Variants in SLC30A8 observed in about 807,000 individuals in gnomAD.
The protein encoded by SLC30A8 is solute carrier family 30 member 8.
A neutral mutation model predicts 36.9 loss-of-function variants in SLC30A8; 27 were observed. That is an observed-to-expected ratio of 0.73 (90% CI 0.54 to 1.01). The LOEUF (loss-of-function observed/expected upper bound fraction) is 1.01. Among genes scored for constraint, SLC30A8 ranks in the 50% least tolerant of loss-of-function variants. The probability of loss-of-function intolerance (pLI) is 0.00; values close to 1 mark genes in which losing one functional copy is unlikely to be tolerated. For missense variants in SLC30A8, 439 were observed against 452.0 expected, an observed-to-expected ratio of 0.97 and a Z score of 0.26; for synonymous variants, 164 against 172.4, an observed-to-expected ratio of 0.95 and a Z score of 0.38.
chr8:117,032,625 G>A (rs1817088773), intron 1 of SLC30A8, among the ~76,000 whole-genome samples: 1 of 152,106 alleles, frequency 6.6e-6, no homozygotes, highest in South Asian at 2.1e-4. Flanking sequence ...TGCAGTGGCT[G>A]ATGCCTGTAA....
intron 1 of SLC30A8, among the ~76,000 whole-genome samples, chr8:117,016,227 T>G (rs1816514112): frequency 1.3e-5 from 2 of 152,206 alleles, no homozygotes; most frequent in African/African-American, 2.4e-5. Context: ...AAGCTAGGTG[T>G]TGTTTTAACC....
chr8:117,153,197 C>G (rs1189119703), intron 3 of SLC30A8, 107 bp downstream of exon 3: 4 of 1,163,334 alleles, frequency 3.4e-6, no homozygotes, highest in Admixed American at 5.6e-5. Context: ...TCCTTAGAGA[C>G]ACATTTCTGA....
At chr8:116,982,461 C>T (rs1260666752) in intron 1 of SLC30A8, among the ~76,000 whole-genome samples, 4 of 152,140 alleles carry the variant, frequency 2.6e-5, no homozygotes, top group Non-Finnish European at 5.9e-5. Context: ...CACAAAACAT[C>T]ACCAGACTTC....
At chr8:117,046,040 A>G (rs914221194) in intron 2 of SLC30A8, among the ~76,000 whole-genome samples, 3 of 151,790 alleles carry the variant, frequency 2.0e-5, no homozygotes, top group African/African-American at 7.3e-5. Context: ...AGATGATGGT[A>G]TATGAGAAAG....
intron 2 of SLC30A8, among the ~76,000 whole-genome samples, chr8:117,090,226 T>G: frequency 6.6e-6 from 1 of 152,194 alleles, no homozygotes; most frequent in African/African-American, 2.4e-5. Context: ...CCTCCCAAAG[T>G]GCTGGGATTA....
intron 1 of SLC30A8, among the ~76,000 whole-genome samples, chr8:117,034,561 C>T (rs1563757484): frequency 6.6e-6 from 1 of 152,094 alleles, no homozygotes; most frequent in Non-Finnish European, 1.5e-5. Context: ...TGAGACTTAC[C>T]CAACATAGCA....
intron 2 of SLC30A8, among the ~76,000 whole-genome samples, chr8:117,082,852 G>C (rs187550608): frequency 6.6e-6 from 1 of 152,154 alleles, no homozygotes; most frequent in Non-Finnish European, 1.5e-5. Context: ...ACAAGACAAG[G>C]ACAAGAGCTC....
At chr8:117,140,857 A>T (rs1451386673) in intron 1 of SLC30A8, among the ~76,000 whole-genome samples, 1 of 152,120 alleles carries the variant, frequency 6.6e-6, no homozygotes, top group Non-Finnish European at 1.5e-5. Flanking sequence ...ATTATAAAAG[A>T]CAAATGATTT....
intron 2 of SLC30A8, among the ~76,000 whole-genome samples, chr8:117,044,046 A>G (rs2130761273): frequency 6.6e-6 from 1 of 152,274 alleles, no homozygotes; most frequent in East Asian, 1.9e-4. Flanking sequence ...TAATGATGGA[A>G]GCGTAGGATG....
At chr8:116,985,656 T>A (rs1815419656) in intron 1 of SLC30A8, among the ~76,000 whole-genome samples, 2 of 152,016 alleles carry the variant, frequency 1.3e-5, no homozygotes, top group Admixed American at 1.3e-4. Flanking sequence ...CAAATTCTTC[T>A]TTAAAAATGG....
chr8:116,972,181 C>T (rs1326295934), intron 1 of SLC30A8, among the ~76,000 whole-genome samples: 1 of 152,198 alleles, frequency 6.6e-6, no homozygotes, highest in Non-Finnish European at 1.5e-5. Context: ...ATTTACACCT[C>T]ACCCTCTAAC....
intron 2 of SLC30A8, among the ~76,000 whole-genome samples, chr8:117,070,343 C>T (rs900216711): frequency 2.0e-5 from 3 of 152,118 alleles, no homozygotes; most frequent in African/African-American, 7.2e-5. Flanking sequence ...CATGCTTGGC[C>T]GTTGGTGCTG....
intron 1 of SLC30A8, among the ~76,000 whole-genome samples, chr8:117,136,241 G>A (rs1821352227): frequency 6.6e-6 from 1 of 151,932 alleles, no homozygotes; most frequent in South Asian, 2.1e-4. Context: ...ATAGTTTTAA[G>A]GAAAGTTTCC....
intron 1 of SLC30A8, among the ~76,000 whole-genome samples, chr8:116,977,305 C>A (rs973824802): frequency 7.3e-6 from 1 of 136,250 alleles, no homozygotes; most frequent in African/African-American, 2.5e-5. Context: ...CCCGCCACCA[C>A]ACCTGGCTAA....
chr8:117,097,442 T>G, intron 2 of SLC30A8, among the ~76,000 whole-genome samples: 1 of 118,916 alleles, frequency 8.4e-6, no homozygotes, highest in African/African-American at 3.2e-5. Context: ...TATATAATTA[T>G]ATATTATATA....
At position 117,174,381 on chromosome 8, in the gene SLC30A8, A is replaced by G. The variant is rs1016116286; in HGVS notation, c.*1700A>G. 5.9e-5 allele frequency: 9 copies of G among 152,534 alleles called. No homozygotes were observed. The highest frequency in any genetic ancestry group is 9.7e-5 in the African/African-American group (4 of 41,438). 9.4% of individuals were successfully genotyped at this position (152,534 alleles called of 1,614,324 possible). ...ACATCTGTGCCATCTCTGCAAATCA[A>G]TCAGCACCACTGAAATAACTACTTA... On this transcript the variant is annotated 3_prime_UTR_variant, in exon 8 of 8. Coordinates refer to ENST00000456015, the MANE Select transcript of SLC30A8 (RefSeq NM_173851.3).
chr8:116,992,129 G>A (rs1815666179), intron 1 of SLC30A8, among the ~76,000 whole-genome samples: 2 of 152,128 alleles, frequency 1.3e-5, no homozygotes, highest in African/African-American at 2.4e-5. Flanking sequence ...TATATTATAG[G>A]TGAAATGGTA....
chr8:116,996,596 C>G (rs1815827939), intron 1 of SLC30A8, among the ~76,000 whole-genome samples: 1 of 151,980 alleles, frequency 6.6e-6, no homozygotes, highest in African/African-American at 2.4e-5. Flanking sequence ...TCTCTCTCTC[C>G]CTGAGCAGGA....
At chr8:117,156,335 A>G (rs570694156) in intron 3 of SLC30A8, among the ~76,000 whole-genome samples, 282 of 152,282 alleles carry the variant, frequency 1.9e-3, no homozygotes, top group African/African-American at 6.5e-3. Flanking sequence ...GAGCCGCCGC[A>G]CCCAGCCAAA....
Sources: allele counts gnomAD v4.1 joint callset (sites outside exome capture counted in the v4.1 genomes callset), GRCh38; gene constraint gnomAD v4.1.1; transcripts MANE v1.5; gene names NCBI Gene and HGNC (gene_info 2026-07-23, HGNC 2026-07-21).